AUTS2: variants seen among roughly 807,000 people sequenced by gnomAD.
AUTS2 encodes the protein activator of transcription and developmental regulator AUTS2.
Under a neutral mutation model 112.4 loss-of-function variants are expected in AUTS2, and 17 were observed. That is an observed-to-expected ratio of 0.15 (90% CI 0.10 to 0.23). AUTS2 has a LOEUF of 0.23. AUTS2 is among the 10% of genes least tolerant of loss of function. AUTS2 has a pLI of 1.00. For synonymous variants in AUTS2, 751 were observed against 702.7 expected (o/e 1.07, Z -1.09); for missense variants, 1,510 against 1,701.6 (o/e 0.89, Z 1.98).
intron 1 of AUTS2, among the ~76,000 whole-genome samples, chr7:69,629,588 C>G (rs1484335265): frequency 6.6e-6 from 1 of 152,178 alleles, no homozygotes; most frequent in African/African-American, 2.4e-5. Flanking sequence ...AGTCCTGATT[C>G]TTTCTCTAGA....
chr7:70,046,909 A>C (rs1209016733), intron 2 of AUTS2, among the ~76,000 whole-genome samples: 2 of 152,190 alleles, frequency 1.3e-5, no homozygotes, highest in Admixed American at 1.3e-4. Flanking sequence ...GTATGTGTGC[A>C]TTTAAACCCA....
At chr7:70,164,603 CA>C (rs1808283909) in intron 4 of AUTS2, among the ~76,000 whole-genome samples, 1 of 152,094 alleles carries the variant, frequency 6.6e-6, no homozygotes, top group African/African-American at 2.4e-5. Flanking sequence ...TCTAGACTCA[CA>C]AAAGACTATG....
intron 5 of AUTS2, among the ~76,000 whole-genome samples, chr7:70,558,261 G>A (rs529010903): frequency 6.6e-6 from 1 of 152,226 alleles, no homozygotes; most frequent in South Asian, 2.1e-4. Flanking sequence ...GATACTCTGC[G>A]TAAAATTTAG....
At chr7:69,840,708 C>T (rs1791939623) in intron 1 of AUTS2, among the ~76,000 whole-genome samples, 1 of 152,126 alleles carries the variant, frequency 6.6e-6, no homozygotes, top group Non-Finnish European at 1.5e-5. Flanking sequence ...ACACTCTGGG[C>T]ATCATTGGAG....
intron 4 of AUTS2, among the ~76,000 whole-genome samples, chr7:70,237,141 C>T (rs1468931319): frequency 6.6e-6 from 1 of 152,168 alleles, no homozygotes; most frequent in African/African-American, 2.4e-5. Flanking sequence ...CTTTCTTGTT[C>T]ACTGTTGATT....
At chr7:70,415,613 C>T (rs1794957036) in intron 4 of AUTS2, among the ~76,000 whole-genome samples, 1 of 152,126 alleles carries the variant, frequency 6.6e-6, no homozygotes, top group African/African-American at 2.4e-5. Flanking sequence ...GTTTGTCTAC[C>T]AAGTGGCTAC....
intron 11 of AUTS2, 116 bp from the exon 12 acceptor site, chr7:70,773,912 A>G (rs1323721025): frequency 3.1e-6 from 3 of 967,128 alleles, no homozygotes; most frequent in African/African-American, 1.6e-5. Flanking sequence ...CTTGCGTTTC[A>G]GAAGGAAACA....
chr7:70,025,575 T>A (rs1584598026), intron 2 of AUTS2, among the ~76,000 whole-genome samples: 1 of 150,720 alleles, frequency 6.6e-6, no homozygotes, highest in African/African-American at 2.4e-5. Context: ...CCTCAGCCTC[T>A]CAAGTAGCTG....
At chr7:69,612,620 T>A (rs1793110787) in intron 1 of AUTS2, among the ~76,000 whole-genome samples, 2 of 152,118 alleles carry the variant, frequency 1.3e-5, no homozygotes, top group African/African-American at 4.8e-5. Context: ...TCACCACGCC[T>A]GGCTAATTTA....
At chr7:70,435,876 A>G in intron 5 of AUTS2, 95 bp downstream of exon 5, 1 of 1,320,188 alleles carries the variant, frequency 7.6e-7, no homozygotes. Context: ...TGCCAGCTTC[A>G]TGTTGACAGG....
At chr7:70,755,193 C>T (rs1336812961) in intron 6 of AUTS2, among the ~76,000 whole-genome samples, 1 of 152,098 alleles carries the variant, frequency 6.6e-6, no homozygotes, top group East Asian at 1.9e-4. Context: ...AGGATCACTT[C>T]ACCATGTGAG....
At chr7:70,278,508 G>A (rs73171772) in intron 4 of AUTS2, among the ~76,000 whole-genome samples, 3,665 of 152,238 alleles carry the variant, frequency 0.024, 60 homozygotes, top group Non-Finnish European at 0.038. Context: ...GAGCCTGGGT[G>A]GTGGAGGCTG....
At chr7:70,599,884 A>T (rs374657837) in intron 5 of AUTS2, among the ~76,000 whole-genome samples, 74 of 152,342 alleles carry the variant, frequency 4.9e-4, no homozygotes, top group African/African-American at 1.6e-3. Flanking sequence ...GTCATTAGAC[A>T]GGGATCTGGG....
At chr7:70,683,949 G>T (rs768321604) in intron 5 of AUTS2, among the ~76,000 whole-genome samples, 34 of 152,264 alleles carry the variant, frequency 2.2e-4, no homozygotes, top group Admixed American at 8.5e-4. Context: ...CAGAAACCTT[G>T]CTCAATAAGA....
chr7:70,165,893 T>C (rs1808354352), intron 4 of AUTS2, among the ~76,000 whole-genome samples: 1 of 152,136 alleles, frequency 6.6e-6, no homozygotes, highest in Non-Finnish European at 1.5e-5. Context: ...TCCCCACGTG[T>C]TGGAGGAAGG....
At chr7:70,325,047 C>T (rs1310079677) in intron 4 of AUTS2, among the ~76,000 whole-genome samples, 1 of 152,190 alleles carries the variant, frequency 6.6e-6, no homozygotes, top group Non-Finnish European at 1.5e-5. Context: ...TGTCCCTTCT[C>T]TCATTACTGC....
chr7:70,069,225 A>G (rs1430109780), intron 2 of AUTS2, among the ~76,000 whole-genome samples: 2 of 152,196 alleles, frequency 1.3e-5, no homozygotes, highest in Non-Finnish European at 2.9e-5. Context: ...TCAAGTGGAT[A>G]GAGCTAGTAG....
intron 5 of AUTS2, among the ~76,000 whole-genome samples, chr7:70,531,719 A>G (rs1800101380): frequency 2.0e-5 from 3 of 151,994 alleles, no homozygotes; most frequent in Admixed American, 1.3e-4. Flanking sequence ...AACACCTCCC[A>G]CCAGGCCCCA....
chr7:70,680,587 C>T (rs1031538693), intron 5 of AUTS2, among the ~76,000 whole-genome samples: 6 of 152,202 alleles, frequency 3.9e-5, no homozygotes, highest in Admixed American at 2.0e-4. Flanking sequence ...CACCCCCAAA[C>T]TCAGCTGGTC....
Sources: allele counts gnomAD v4.1 joint callset (sites outside exome capture counted in the v4.1 genomes callset), GRCh38; gene constraint gnomAD v4.1.1; transcripts MANE v1.5; gene names NCBI Gene and HGNC (gene_info 2026-07-23, HGNC 2026-07-21).